The following TMEM232 variants were observed in gnomAD, a reference collection of about 807,000 sequenced individuals.
The protein encoded by TMEM232 is transmembrane protein 232.
TMEM232 carries 80 observed loss-of-function variants against 78.8 expected under a neutral mutation model. The ratio of observed to expected loss-of-function variants is 1.01; its 90% CI spans 0.85 to 1.22. The LOEUF is 1.22. TMEM232 is among the 50% of genes most tolerant of loss of function. The pLI, the probability that TMEM232 is intolerant of heterozygous loss-of-function variation, is 0.00. For missense variants in TMEM232, 881 were observed against 742.2 expected (o/e 1.19, Z -2.17); for synonymous variants, 297 against 254.3 (o/e 1.17, Z -1.60).
chr5:110,700,999 G>A (rs1795382649), intron 1 of TMEM232, among the ~76,000 whole-genome samples: 1 of 151,682 alleles, frequency 6.6e-6, no homozygotes, highest in South Asian at 2.1e-4. Context: ...TTTACAATTA[G>A]GAAATTTAGA....
intron 11 of TMEM232, among the ~76,000 whole-genome samples, chr5:110,550,670 A>G (rs1436348580): frequency 6.6e-6 from 1 of 151,922 alleles, no homozygotes; most frequent in African/African-American, 2.4e-5. Context: ...ACAAAACATT[A>G]TTGATAGAAA....
At chr5:110,587,258 A>G (rs1302967237) in intron 10 of TMEM232, among the ~76,000 whole-genome samples, 1 of 152,056 alleles carries the variant, frequency 6.6e-6, no homozygotes, top group Non-Finnish European at 1.5e-5. Context: ...AAAACAGCAC[A>G]AAATACACCA....
At chr5:110,493,730 A>T (rs1765354295) in intron 12 of TMEM232, among the ~76,000 whole-genome samples, 1 of 152,020 alleles carries the variant, frequency 6.6e-6, no homozygotes, top group African/African-American at 2.4e-5. Context: ...AAGTACAGAC[A>T]CATATTTTTT....
chr5:110,419,625 G>T lies in TMEM232; in HGVS notation c.*955C>A, dbSNP rs1756451658. On this transcript the variant is annotated 3_prime_UTR_variant, in exon 14 of 14. Coordinates refer to ENST00000455884, the MANE Select transcript of TMEM232 (RefSeq NM_001039763.4). ...AGTGATGGGAAATTTCTCTATATGG[G>T]ATAGGTATTCCTTAGCCGGCTTCAC... Among the ~76,000 whole-genome samples, 1 of 152,088 alleles carries T rather than the reference G, an allele frequency of 6.6e-6. No homozygotes were observed. Among genetic ancestry groups the T allele is most frequent in the African/African-American group, 2.4e-5 (1 of 41,442 alleles).
intron 12 of TMEM232, among the ~76,000 whole-genome samples, chr5:110,499,640 C>CATATATAT (rs1461952407): frequency 7.6e-5 from 11 of 145,540 alleles, no homozygotes; most frequent in African/African-American, 3.0e-4. Context: ...CCCCCCCACA[C>CATATATAT]ACACACATAT....
At chr5:110,524,954 C>T (rs1436762973) in intron 12 of TMEM232, among the ~76,000 whole-genome samples, 3 of 151,838 alleles carry the variant, frequency 2.0e-5, no homozygotes, top group African/African-American at 7.3e-5. Flanking sequence ...GTAAGTATAG[C>T]CACACCTGCT....
Position 110,469,835 on chromosome 5 carries a change from G to A in TMEM232, c.1704-44919C>T, listed in dbSNP as rs62376078. Among the ~76,000 whole-genome samples the A allele has an allele frequency of 8.7e-3, 1,324 of 152,274 alleles. 16 individuals carry two copies. Among genetic ancestry groups the A allele is most frequent in the Non-Finnish European group, 0.014 (978 of 68,012 alleles). ...TCTATGTCCCAGGGGAAAAAATGTAGTGGCTGAGCTGAGACACCCTGCCTT... is the reference window on the plus strand; with the variant it reads ...TCTATGTCCCAGGGGAAAAAATGTAATGGCTGAGCTGAGACACCCTGCCTT... On this transcript the variant is annotated intron_variant, in intron 12 of 13. Coordinates refer to ENST00000455884, the MANE Select transcript of TMEM232 (RefSeq NM_001039763.4).
intron 3 of TMEM232, among the ~76,000 whole-genome samples, chr5:110,395,414 T>C (rs1755347601): frequency 6.6e-6 from 1 of 152,096 alleles, no homozygotes; most frequent in South Asian, 2.1e-4. Flanking sequence ...AGTTGACCTT[T>C]AGCAAGTAAT....
At chr5:110,404,209 A>G (rs1478112342) in intron 2 of TMEM232, among the ~76,000 whole-genome samples, 1 of 152,072 alleles carries the variant, frequency 6.6e-6, no homozygotes, top group East Asian at 1.9e-4. Flanking sequence ...ATATAAATAT[A>G]CTTCAAAATT....
intron 11 of TMEM232, among the ~76,000 whole-genome samples, chr5:110,550,339 G>T (rs1250083049): frequency 6.6e-6 from 1 of 152,050 alleles, no homozygotes; most frequent in Non-Finnish European, 1.5e-5. Flanking sequence ...TGAAAATGTT[G>T]AAAGCTGTCC....
intron 1 of TMEM232, among the ~76,000 whole-genome samples, chr5:110,683,371 T>C (rs1792990385): frequency 6.6e-6 from 1 of 151,804 alleles, no homozygotes; most frequent in Admixed American, 6.6e-5. Flanking sequence ...AATTATAAAT[T>C]ACAAAGAGAT....
At chr5:110,596,808 G>A (rs375158731) in intron 10 of TMEM232, among the ~76,000 whole-genome samples, 2 of 152,024 alleles carry the variant, frequency 1.3e-5, no homozygotes, top group South Asian at 2.1e-4. Flanking sequence ...TTGACAAAAT[G>A]CAACAACTCT....
intron 8 of TMEM232, among the ~76,000 whole-genome samples, chr5:110,616,336 C>T (rs932575662): frequency 3.3e-5 from 5 of 152,080 alleles, no homozygotes; most frequent in Admixed American, 1.3e-4. Flanking sequence ...CTCTTCAATA[C>T]ATGGTATTGG....
At chr5:110,574,557 C>G (rs139462262) in intron 10 of TMEM232, among the ~76,000 whole-genome samples, 6 of 152,150 alleles carry the variant, frequency 3.9e-5, no homozygotes, top group East Asian at 3.9e-4. Flanking sequence ...GGGCCACACT[C>G]TATCAGTTTG....
chr5:110,508,432 TAC>T (rs910947206), intron 12 of TMEM232, among the ~76,000 whole-genome samples: 3 of 151,168 alleles, frequency 2.0e-5, no homozygotes, highest in African/African-American at 7.3e-5. Flanking sequence ...TATATATACA[TAC>T]ACACACATAT....
At position 110,627,078 on chromosome 5, in the gene TMEM232, C is replaced by T. The variant is rs374010507; in HGVS notation, c.601+703G>A. Among the ~76,000 whole-genome samples the T allele has an allele frequency of 5.9e-5, 9 of 152,104 alleles. 1 individual carries two copies. Among genetic ancestry groups the T allele is most frequent in the East Asian group, 5.8e-4 (3 of 5,166 alleles). On this transcript the variant is annotated intron_variant, in intron 6 of 13. Transcript: ENST00000455884. ...TTCAACTGCTTGCTGGGTATATATA[C>T]CTGAGTGACCTTCAAATTCAATATG...
rs1790742646 is a variant in TMEM232 at position 110,667,469 on chromosome 5, G to A, written c.-12-105C>T. On this transcript the variant is annotated intron_variant, in intron 1 of 13. Coordinates refer to ENST00000455884, the MANE Select transcript of TMEM232 (RefSeq NM_001039763.4). ...TTGGAAAAGAATAGCAAGAACTAAAGTTAGGCTTAAGAATAATTCTATATT... is the reference window on the plus strand; with the variant it reads ...TTGGAAAAGAATAGCAAGAACTAAAATTAGGCTTAAGAATAATTCTATATT... 5 of 853,562 alleles carry A rather than the reference G, an allele frequency of 5.9e-6. No homozygotes were observed. The South Asian group carries it at 7.5e-5, about 13-fold the overall frequency. 52.9% of individuals were successfully genotyped at this position (853,562 alleles called of 1,614,324 possible).
intron 12 of TMEM232, among the ~76,000 whole-genome samples, chr5:110,447,441 A>G (rs1759790738): frequency 6.6e-6 from 1 of 152,126 alleles, no homozygotes; most frequent in Non-Finnish European, 1.5e-5. Context: ...GAGGGACACG[A>G]GCACAATTTG....
chr5:110,499,677 A>G (rs1453493800), intron 12 of TMEM232, among the ~76,000 whole-genome samples: 1 of 151,312 alleles, frequency 6.6e-6, no homozygotes, highest in Non-Finnish European at 1.5e-5. Context: ...AAGCATTAAA[A>G]ATTAGTATGG....
Sources: gnomAD v4.1 joint callset for allele counts (sites outside exome capture counted in the v4.1 genomes callset) on GRCh38, gnomAD v4.1.1 for gene constraint, MANE v1.5 for transcripts, NCBI Gene and HGNC (gene_info 2026-07-23, HGNC 2026-07-21) for gene names.